PPP1R36: variants seen among roughly 807,000 people sequenced by gnomAD.
The protein encoded by PPP1R36 is protein phosphatase 1 regulatory subunit 36.
A neutral mutation model predicts 53.4 loss-of-function variants in PPP1R36; 47 were observed. That is an observed-to-expected ratio of 0.88 (90% CI 0.70 to 1.12). The LOEUF is 1.12. Ranked by LOEUF, PPP1R36 falls within the 50% of genes most tolerant of loss-of-function variation. The probability of loss-of-function intolerance (pLI) is 0.00; values close to 1 mark genes in which losing one functional copy is unlikely to be tolerated. For missense variants in PPP1R36, 456 were observed against 513.9 expected (o/e 0.89, Z 1.09); for synonymous variants, 153 against 170.5 (o/e 0.90, Z 0.80).
chr14:64,587,908 C>G (rs565094964), intron 10 of PPP1R36, among the ~76,000 whole-genome samples, 196 bp from the exon 11 acceptor site: 7 of 152,138 alleles, frequency 4.6e-5, no homozygotes, highest in African/African-American at 1.7e-4. Flanking sequence ...CACCTGGCTA[C>G]TTTTTAAAAT....
intron 7 of PPP1R36, among the ~76,000 whole-genome samples, chr14:64,572,191 T>C (rs898442378): frequency 1.3e-5 from 2 of 152,236 alleles, no homozygotes; most frequent in Admixed American, 6.5e-5. Context: ...AGAGATGATA[T>C]TGGATCAAAA....
At chr14:64,557,545 C>T (rs2080166079) in intron 3 of PPP1R36, among the ~76,000 whole-genome samples, 1 of 152,132 alleles carries the variant, frequency 6.6e-6, no homozygotes, top group South Asian at 2.1e-4. Flanking sequence ...CAAATGTCCC[C>T]TGTTGTCTGC....
intron 2 of PPP1R36, chr14:64,551,680 T>TACAGCC (rs2080094643): frequency 4.4e-6 from 2 of 456,262 alleles, no homozygotes; most frequent in Non-Finnish European, 8.8e-6. Flanking sequence ...ACCAAAGTCA[T>TACAGCC]ACAGCCAGTA....
intron 8 of PPP1R36, 71 bp from the exon 9 acceptor site, chr14:64,586,766 A>G: frequency 9.7e-7 from 1 of 1,031,082 alleles, no homozygotes; most frequent in Non-Finnish European, 1.5e-6. Flanking sequence ...ACTTTAGAGA[A>G]AGATAAGGAC....
rs561213379 is a variant in PPP1R36 at position 64,574,557 on chromosome 14, C to T, written c.636C>T (p.Ala212=). 15 of 1,613,844 alleles carry T rather than the reference C, an allele frequency of 9.3e-6. No individual in the cohort carries two copies. Among genetic ancestry groups the T allele is most frequent in the Admixed American group, 3.3e-5 (2 of 59,950 alleles). Reference sequence around the variant, plus strand: ...ACTGTATCCTTGTGCTGGGCTTGGCCGTGCCGGATAAGCATCACATGTGCT... The same window carrying T: ...ACTGTATCCTTGTGCTGGGCTTGGCTGTGCCGGATAAGCATCACATGTGCT... ...QKYCILVLGL[A]VPDKHHMCCG... The change falls in exon 8 of 12, where the codon GCC becomes GCT. Residue 212 remains alanine, a synonymous_variant. Coordinates refer to ENST00000298705, the MANE Select transcript of PPP1R36 (RefSeq NM_172365.3).
At chr14:64,572,628 G>A (rs1180387867) in intron 7 of PPP1R36, among the ~76,000 whole-genome samples, 1 of 152,028 alleles carries the variant, frequency 6.6e-6, no homozygotes, top group Non-Finnish European at 1.5e-5. Flanking sequence ...TAAATTTCCT[G>A]GGCTAGACCC....
At chr14:64,588,408 C>T in intron 11 of PPP1R36, 113 bp downstream of exon 11, 1 of 922,764 alleles carries the variant, frequency 1.1e-6, no homozygotes, top group Non-Finnish European at 1.6e-6. Context: ...GCCATGATGA[C>T]AGCCCCCATT....
chr14:64,560,627 T>TA (rs1289764836), intron 3 of PPP1R36, among the ~76,000 whole-genome samples: 1 of 151,928 alleles, frequency 6.6e-6, no homozygotes, highest in African/African-American at 2.4e-5. Context: ...ATTTAGTGAT[T>TA]AGTGAGCCAT....
rs2080397550 is a variant in PPP1R36 at position 64,582,588 on chromosome 14, T to A, written c.669-4249T>A. 2.6e-5 allele frequency among the ~76,000 whole-genome samples: 4 copies of A among 152,350 alleles called. No individual in the cohort carries two copies. In the East Asian group the frequency reaches 5.8e-4, roughly 22 times the overall value. On this transcript the variant is annotated intron_variant, in intron 8 of 11. Transcript: ENST00000298705. ...AAATGTAGTAGTCCAAATTGAAACA[T>A]ACTATAAGTGAAAAATAAGCACTGT...
intron 8 of PPP1R36, among the ~76,000 whole-genome samples, chr14:64,580,719 T>C (rs2080381690): frequency 6.6e-6 from 1 of 152,200 alleles, no homozygotes; most frequent in South Asian, 2.1e-4. Flanking sequence ...AAAGACAGAC[T>C]GGAACAGGTT....
intron 7 of PPP1R36, among the ~76,000 whole-genome samples, chr14:64,573,704 G>C (rs1367534041): frequency 6.6e-6 from 1 of 151,414 alleles, no homozygotes; most frequent in Admixed American, 6.6e-5. Flanking sequence ...CTTGAGGTCG[G>C]GAGTTCAAGA....
intron 3 of PPP1R36, among the ~76,000 whole-genome samples, chr14:64,557,731 G>C (rs1051046812): frequency 6.6e-6 from 1 of 152,264 alleles, no homozygotes; most frequent in Non-Finnish European, 1.5e-5. Flanking sequence ...GAAAGAATGG[G>C]CTGGGGGCAG....
chr14:64,576,718 T>C (rs375926560), intron 8 of PPP1R36, among the ~76,000 whole-genome samples: 1 of 152,188 alleles, frequency 6.6e-6, no homozygotes, highest in Non-Finnish European at 1.5e-5. Flanking sequence ...TGATTCACCA[T>C]GTGTGTGTGA....
intron 6 of PPP1R36, among the ~76,000 whole-genome samples, chr14:64,566,890 C>T (rs1717403611): frequency 6.6e-6 from 1 of 152,206 alleles, no homozygotes; most frequent in South Asian, 2.1e-4. Context: ...GATAGGTAAA[C>T]TCTTGAGATG....
intron 8 of PPP1R36, among the ~76,000 whole-genome samples, chr14:64,576,156 C>G (rs2080340546): frequency 6.8e-6 from 1 of 147,038 alleles, no homozygotes; most frequent in Non-Finnish European, 1.5e-5. Flanking sequence ...TCTCGGCTCA[C>G]TGCAACCTCT....
At chr14:64,557,608 A>G (rs1223529895) in intron 3 of PPP1R36, among the ~76,000 whole-genome samples, 1 of 152,204 alleles carries the variant, frequency 6.6e-6, no homozygotes, top group Non-Finnish European at 1.5e-5. Context: ...GTACATTACA[A>G]TTGGCTTGAT....
chr14:64,550,158 A>G (rs112052589), intron 1 of PPP1R36, 92 bp downstream of exon 1: 35,740 of 1,483,710 alleles, frequency 0.024, 495 homozygotes, highest in Middle Eastern at 0.037. Context: ...GCCCTCCTCC[A>G]GAGGCGGGTC....
chr14:64,550,577 A>T (rs2080086299), intron 1 of PPP1R36, among the ~76,000 whole-genome samples: 1 of 152,084 alleles, frequency 6.6e-6, no homozygotes, highest in African/African-American at 2.4e-5. Flanking sequence ...ATGTAGTCCC[A>T]ATTTCCTTCC....
At chr14:64,565,552 A>G in intron 5 of PPP1R36, 74 bp from the exon 6 acceptor site, 1 of 1,436,476 alleles carries the variant, frequency 7.0e-7, no homozygotes, top group Non-Finnish European at 9.8e-7. Context: ...TAACATCCAT[A>G]CATAAACGTA....
Sources: gnomAD v4.1 joint callset for allele counts (sites outside exome capture counted in the v4.1 genomes callset) on GRCh38, gnomAD v4.1.1 for gene constraint, MANE v1.5 for transcripts, NCBI Gene and HGNC (gene_info 2026-07-23, HGNC 2026-07-21) for gene names.